Variants in ERBB4 observed in about 807,000 individuals in gnomAD.
The protein encoded by ERBB4 is erb-b2 receptor tyrosine kinase 4, also known as receptor tyrosine-protein kinase erbB-4.
ERBB4 carries 42 observed loss-of-function variants against 158.0 expected under a neutral mutation model. That is an observed-to-expected ratio of 0.27 (90% confidence interval 0.21 to 0.34). The LOEUF (loss-of-function observed/expected upper bound fraction) is 0.34. Among genes scored for constraint, ERBB4 ranks in the 10% least tolerant of loss-of-function variants. The probability of loss-of-function intolerance (pLI) is 1.00; values close to 1 mark genes in which losing one functional copy is unlikely to be tolerated. For missense variants in ERBB4, 1,333 were observed against 1,624.1 expected, an observed-to-expected ratio of 0.82 and a Z score of 3.08; for synonymous variants, 583 against 558.7, an observed-to-expected ratio of 1.04 and a Z score of -0.61.
At chr2:211,590,458 C>G (rs868597668) in intron 19 of ERBB4, among the ~76,000 whole-genome samples, 52 of 152,126 alleles carry the variant, frequency 3.4e-4, no homozygotes, top group African/African-American at 1.2e-3. Context: ...TATTTTGCAG[C>G]CTCTATCCTT....
intron 1 of ERBB4, among the ~76,000 whole-genome samples, chr2:212,203,454 C>G (rs2082646404): frequency 6.6e-6 from 1 of 152,094 alleles, no homozygotes; most frequent in East Asian, 1.9e-4. Flanking sequence ...AATGAAGGCC[C>G]AGGTCACGTA....
At chr2:212,408,358 T>C (rs1323116960) in intron 1 of ERBB4, among the ~76,000 whole-genome samples, 1 of 152,192 alleles carries the variant, frequency 6.6e-6, no homozygotes, top group Non-Finnish European at 1.5e-5. Flanking sequence ...TTTCTGTTCC[T>C]ACGTTAAGTT....
chr2:212,535,773 T>C lies in ERBB4; in HGVS notation c.82+2676A>G, dbSNP rs555536151. Among the ~76,000 whole-genome samples the C allele has an allele frequency of 3.9e-3, 593 of 152,244 alleles. 6 individuals carry two copies. The highest frequency in any genetic ancestry group is 0.014 in the African/African-American group (563 of 41,546). On this transcript the variant is annotated intron_variant, in intron 1 of 27. Transcript: ENST00000342788. ...TTTAGAATTTCTAAAAAACATCCTC[T>C]CTAATGCTGAATTTTTTTCCAAGCA...
In ERBB4 at chr2:212,124,778, G is replaced by C. The variant is rs1357270265; in HGVS notation, c.208C>G (p.His70Asp). The change falls in exon 2 of 28, where the codon CAC (histidine) becomes GAC (aspartate). Residue 70 changes from histidine (H) to aspartate (D), a missense_variant. Physicochemically the swap from His to Asp is moderately conservative, Grantham distance 81. This residue lies in a region of ERBB4 where 438 missense variants were observed against 586.9 expected (regional missense o/e 0.75). Coordinates refer to ENST00000342788, the MANE Select transcript of ERBB4 (RefSeq NM_005235.3). ...MGNLEITSIEHNRDLSFLRSV... is the reference protein window; with the variant it reads ...MGNLEITSIEDNRDLSFLRSV... ...CGCAGGAAGGAGAGGTCCCGGTTGT[G>C]CTCAATGCTGGTTATCTCCAGGTTG... 2 of 1,614,166 alleles carry C rather than the reference G, an allele frequency of 1.2e-6. No homozygotes were observed. Among genetic ancestry groups the C allele is most frequent in the South Asian group, 2.2e-5 (2 of 91,084 alleles).
chr2:211,534,424 G>A (rs1001981774), intron 20 of ERBB4, among the ~76,000 whole-genome samples: 2 of 151,902 alleles, frequency 1.3e-5, no homozygotes, highest in Non-Finnish European at 2.9e-5. Flanking sequence ...ATCTCCTTTG[G>A]ATATTAACTC....
intron 1 of ERBB4, among the ~76,000 whole-genome samples, chr2:212,280,387 A>G (rs1240695987): frequency 6.6e-6 from 1 of 151,722 alleles, no homozygotes; most frequent in African/African-American, 2.4e-5. Context: ...TAATTCACCA[A>G]AAATGTCTGA....
At chr2:211,632,418 C>G (rs1276877990) in intron 16 of ERBB4, among the ~76,000 whole-genome samples, 1 of 151,952 alleles carries the variant, frequency 6.6e-6, no homozygotes, top group Non-Finnish European at 1.5e-5. Flanking sequence ...TTTTCTCAGT[C>G]CAATTTTTTA....
At chr2:211,692,710 T>C (rs2072869428) in intron 12 of ERBB4, among the ~76,000 whole-genome samples, 1 of 152,142 alleles carries the variant, frequency 6.6e-6, no homozygotes, top group African/African-American at 2.4e-5. Flanking sequence ...CACGTGTGAT[T>C]ATATTTGTAA....
chr2:211,729,407 G>A (rs536061472), intron 5 of ERBB4, among the ~76,000 whole-genome samples: 15 of 151,418 alleles, frequency 9.9e-5, no homozygotes, highest in South Asian at 6.2e-4. Flanking sequence ...AATTCCAAAC[G>A]AAAATTCAGT....
chr2:211,511,396 G>T (rs530514049), intron 20 of ERBB4, among the ~76,000 whole-genome samples: 8 of 151,994 alleles, frequency 5.3e-5, no homozygotes, highest in African/African-American at 1.7e-4. Flanking sequence ...AATAAATACA[G>T]ACAGATATAT....
chr2:211,578,807 G>T lies in ERBB4; in HGVS notation c.2302-16719C>A, dbSNP rs868059702. Among the ~76,000 whole-genome samples the T allele has an allele frequency of 3.3e-5, 5 of 152,226 alleles. No homozygotes were observed. In the South Asian group the frequency reaches 1.0e-3, roughly 32 times the overall value. On this transcript the variant is annotated intron_variant, in intron 19 of 27. Transcript: ENST00000342788. ...ACACCTTATACAAAAACTACCTCAA[G>T]ATGGATTAAAGATTGAAATGTAAAA...
intron 1 of ERBB4, among the ~76,000 whole-genome samples, chr2:212,377,785 T>G (rs1160775132): frequency 1.3e-5 from 2 of 151,934 alleles, no homozygotes; most frequent in African/African-American, 2.4e-5. Context: ...TTAGCTTACC[T>G]TAAGGTTAAG....
chr2:211,480,184 C>T (rs2065047654), intron 20 of ERBB4, among the ~76,000 whole-genome samples: 1 of 152,072 alleles, frequency 6.6e-6, no homozygotes, highest in South Asian at 2.1e-4. Context: ...TCCTTCATGC[C>T]CCTTCCTCTT....
chr2:211,408,217 C>T (rs1385879555), intron 25 of ERBB4, among the ~76,000 whole-genome samples: 9 of 152,276 alleles, frequency 5.9e-5, no homozygotes, highest in African/African-American at 2.2e-4. Context: ...CTTTCTAGGT[C>T]GAGTACAGTA....
chr2:211,487,961 C>T (rs903920625), intron 20 of ERBB4, among the ~76,000 whole-genome samples: 2 of 151,972 alleles, frequency 1.3e-5, no homozygotes, highest in African/African-American at 2.4e-5. Context: ...CTTCAGTAAT[C>T]GCTATACATG....
At chr2:212,005,551 T>C (rs551404306) in intron 2 of ERBB4, among the ~76,000 whole-genome samples, 3 of 152,254 alleles carry the variant, frequency 2.0e-5, no homozygotes, top group African/African-American at 7.2e-5. Context: ...CAAAGCAAAG[T>C]ATAAATTCGT....
intron 3 of ERBB4, among the ~76,000 whole-genome samples, chr2:211,827,652 T>C (rs2077132771): frequency 1.3e-5 from 2 of 152,106 alleles, no homozygotes; most frequent in Non-Finnish European, 2.9e-5. Flanking sequence ...CTATCTGCTG[T>C]ATTTGTTCAA....
chr2:212,516,466 C>T (rs1380556578), intron 1 of ERBB4, among the ~76,000 whole-genome samples: 2 of 152,094 alleles, frequency 1.3e-5, no homozygotes, highest in East Asian at 3.9e-4. Context: ...TGACTGGCAA[C>T]CTATTCTTAG....
intron 20 of ERBB4, among the ~76,000 whole-genome samples, chr2:211,447,346 C>A (rs2064136924): frequency 6.6e-6 from 1 of 151,994 alleles, no homozygotes; most frequent in South Asian, 2.1e-4. Context: ...GCAAGCATCC[C>A]CAGCCTGTCA....
Sources: gnomAD v4.1 joint callset for allele counts (sites outside exome capture counted in the v4.1 genomes callset) on GRCh38, gnomAD v4.1.1 for gene constraint, gnomAD v4.1.1 regional missense constraint, MANE v1.5 for transcripts, NCBI Gene and HGNC (gene_info 2026-07-23, HGNC 2026-07-21) for gene names.